Variants in MSI2 observed in about 807,000 individuals in gnomAD.
MSI2 encodes the protein RNA-binding protein Musashi homolog 2.
MSI2 carries 17 observed loss-of-function variants against 45.6 expected under a neutral mutation model. That is an observed-to-expected ratio of 0.37 (90% CI 0.26 to 0.56). The LOEUF is 0.56. MSI2 is among the 20% of genes least tolerant of loss of function. The pLI is 0.77. For missense variants in MSI2, 293 were observed against 444.2 expected, an observed-to-expected ratio of 0.66 and a Z score of 3.06; for synonymous variants, 156 against 158.2, an observed-to-expected ratio of 0.99 and a Z score of 0.11.
rs185572812 is a variant in MSI2 at position 57,676,132 on chromosome 17, G to A, written c.946-855G>A. On this transcript the variant is annotated intron_variant, in intron 12 of 13. Coordinates refer to ENST00000284073, the MANE Select transcript of MSI2 (RefSeq NM_138962.4). Reference sequence around the variant, plus strand: ...CAAGCCCTGACTTGGGGGCCACGCTGCGGAGAACAAAACATGTGCAGACAG... The same window carrying A: ...CAAGCCCTGACTTGGGGGCCACGCTACGGAGAACAAAACATGTGCAGACAG... Among the ~76,000 whole-genome samples, 6 of 152,378 alleles carry A rather than the reference G, an allele frequency of 3.9e-5. No individual in the cohort carries two copies. The East Asian group carries it at 1.2e-3, about 29-fold the overall frequency.
chr17:57,550,368 C>T (rs2087275911), intron 7 of MSI2, among the ~76,000 whole-genome samples: 1 of 152,082 alleles, frequency 6.6e-6, no homozygotes, highest in South Asian at 2.1e-4. Flanking sequence ...TTGTTCTTCT[C>T]CTTTGTTAAC....
chr17:57,628,953 A>AC (rs1463892773), intron 10 of MSI2: 1 of 152,910 alleles, frequency 6.5e-6, no homozygotes, highest in African/African-American at 2.4e-5. Context: ...CCAGGCAGAG[A>AC]CCCCCACCAG....
chr17:57,627,696 C>T lies in MSI2; in HGVS notation c.727+393C>T, dbSNP rs887008566. ...CTCCCCGCTCCCTGTGTCCACCTGC[C>T]CAATGTTTGATGTCTCCCCGCCCTT... On this transcript the variant is annotated intron_variant, in intron 10 of 13. Transcript: ENST00000284073. The surrounding 1 kb of genome is among the most constrained non-coding windows in gnomAD (Gnocchi z 4.6). 21 of 258,032 alleles carry T rather than the reference C, an allele frequency of 8.1e-5. No homozygotes were observed. Among genetic ancestry groups the T allele is most frequent in the Non-Finnish European group, 1.5e-4 (20 of 134,174 alleles). 16.0% of individuals were successfully genotyped at this position (258,032 alleles called of 1,614,324 possible).
chr17:57,490,737 T>C (rs540572839), intron 6 of MSI2, among the ~76,000 whole-genome samples: 14 of 152,360 alleles, frequency 9.2e-5, no homozygotes, highest in Non-Finnish European at 1.3e-4. Flanking sequence ...CTGATGTTTT[T>C]TTCTGTGGGG....
At chr17:57,464,445 A>G (rs922598836) in intron 6 of MSI2, among the ~76,000 whole-genome samples, 1 of 152,180 alleles carries the variant, frequency 6.6e-6, no homozygotes, top group African/African-American at 2.4e-5. Context: ...CCCTATTTCA[A>G]AAAACAAAAA....
At chr17:57,464,860 C>T (rs988615421) in intron 6 of MSI2, among the ~76,000 whole-genome samples, 1 of 152,188 alleles carries the variant, frequency 6.6e-6, no homozygotes, top group Non-Finnish European at 1.5e-5. Flanking sequence ...GAAAACGGTC[C>T]GTCTCCATCG....
chr17:57,428,510 T>G (rs1038516140), intron 6 of MSI2, among the ~76,000 whole-genome samples: 4 of 152,226 alleles, frequency 2.6e-5, no homozygotes, highest in African/African-American at 9.6e-5. Flanking sequence ...GCACAAGTGA[T>G]GCCCCCACCT....
intron 6 of MSI2, among the ~76,000 whole-genome samples, chr17:57,465,790 T>G (rs2085319663): frequency 6.6e-6 from 1 of 152,074 alleles, no homozygotes; most frequent in Non-Finnish European, 1.5e-5. Context: ...AAACCCAAAC[T>G]CTACTTGGCA....
At chr17:57,494,247 A>G (rs1158602936) in intron 6 of MSI2, among the ~76,000 whole-genome samples, 2 of 152,238 alleles carry the variant, frequency 1.3e-5, no homozygotes, top group Admixed American at 6.5e-5. Flanking sequence ...ATTAAAATAT[A>G]GTATCCTGAT....
chr17:57,554,456 C>A (rs13353199), intron 7 of MSI2, among the ~76,000 whole-genome samples: 38,571 of 152,040 alleles, frequency 0.25, 4,962 homozygotes, highest in African/African-American at 0.3. Context: ...ACCATCCCCC[C>A]TCTCCTCCTC....
chr17:57,258,909 G>C (rs1049320047), intron 4 of MSI2, among the ~76,000 whole-genome samples: 1 of 151,954 alleles, frequency 6.6e-6, no homozygotes, highest in African/African-American at 2.4e-5. Context: ...CAGATGGCAT[G>C]AAATCTAAGG....
the MSI2 span, among the ~76,000 whole-genome samples, chr17:57,699,796 G>A: frequency 2.0e-5 from 3 of 152,246 alleles, no homozygotes; most frequent in African/African-American, 4.8e-5. Flanking sequence ...CCCCACGGAA[G>A]AGGGGATGGG....
intron 5 of MSI2, among the ~76,000 whole-genome samples, chr17:57,360,106 G>T (rs1328957004): frequency 6.6e-6 from 1 of 152,218 alleles, no homozygotes; most frequent in East Asian, 1.9e-4. Context: ...GAGGCACTGG[G>T]GGTTGCACCC....
chr17:57,451,485 G>C (rs1179279770), intron 6 of MSI2, among the ~76,000 whole-genome samples: 1 of 152,218 alleles, frequency 6.6e-6, no homozygotes, highest in African/African-American at 2.4e-5. Context: ...CAGCTGTCCT[G>C]TGACATTTCT....
In MSI2 at chr17:57,336,020, A is replaced by G. The variant is rs147270995; in HGVS notation, c.313-65359A>G. ...TTCTGAGCAGAGAGGACTTCAGAGCAGAGTTTGACAAGAGAGGACTTCTGT... is the reference window on the plus strand; with the variant it reads ...TTCTGAGCAGAGAGGACTTCAGAGCGGAGTTTGACAAGAGAGGACTTCTGT... On this transcript the variant is annotated intron_variant, in intron 5 of 13. Coordinates refer to ENST00000284073, the MANE Select transcript of MSI2 (RefSeq NM_138962.4). Among the ~76,000 whole-genome samples, 772 of 152,348 alleles carry G rather than the reference A, an allele frequency of 5.1e-3. 2 individuals are homozygous for G. Among genetic ancestry groups the G allele is most frequent in the African/African-American group, 0.017 (688 of 41,580 alleles).
intron 12 of MSI2, 111 bp from the exon 13 acceptor site, chr17:57,676,876 T>C: frequency 1.3e-6 from 1 of 785,226 alleles, no homozygotes; most frequent in Non-Finnish European, 2.3e-6. Context: ...GAATTACATA[T>C]TCATGCTGGC....
chr17:57,568,340 A>C (rs1483611908), intron 7 of MSI2, among the ~76,000 whole-genome samples: 1 of 152,202 alleles, frequency 6.6e-6, no homozygotes, highest in East Asian at 1.9e-4. Flanking sequence ...AAGACACAAG[A>C]CAGTGACTCA....
intron 7 of MSI2, among the ~76,000 whole-genome samples, chr17:57,560,292 G>A (rs1307385458): frequency 6.6e-6 from 1 of 152,186 alleles, no homozygotes; most frequent in African/African-American, 2.4e-5. Flanking sequence ...GGGTGGTGGA[G>A]GGGGAGAGTT....
chr17:57,470,274 A>ATTTT (rs2085408863), intron 6 of MSI2, among the ~76,000 whole-genome samples: 1 of 61,872 alleles, frequency 1.6e-5, no homozygotes, highest in Admixed American at 1.9e-4. Flanking sequence ...TCATATTGAA[A>ATTTT]TTTTTATTTA....
Sources: allele counts gnomAD v4.1 joint callset (sites outside exome capture counted in the v4.1 genomes callset), GRCh38; gene constraint gnomAD v4.1.1; non-coding constraint Gnocchi (gnomAD v3.1); transcripts MANE v1.5; gene names NCBI Gene and HGNC (gene_info 2026-07-23, HGNC 2026-07-21).